MECOM: variants seen among roughly 807,000 people sequenced by gnomAD.
MECOM encodes histone-lysine N-methyltransferase MECOM.
MECOM carries 13 observed loss-of-function variants against 116.3 expected under a neutral mutation model. The observed-to-expected ratio is 0.11, with a 90% confidence interval of 0.07 to 0.18. The LOEUF is 0.18. MECOM is among the 10% of genes least tolerant of loss of function. The probability of loss-of-function intolerance (pLI) is 1.00; values close to 1 mark genes in which losing one functional copy is unlikely to be tolerated. For synonymous variants in MECOM, 528 were observed against 535.2 expected (o/e 0.99, Z 0.19); for missense variants, 1,299 against 1,509.0 (o/e 0.86, Z 2.31).
At chr3:169,649,275 C>T (rs1248488011) in intron 1 of MECOM, among the ~76,000 whole-genome samples, 1 of 151,812 alleles carries the variant, frequency 6.6e-6, no homozygotes, top group Non-Finnish European at 1.5e-5. Context: ...GCCTGGGCAC[C>T]ATGGTGAAAC....
chr3:169,631,743 A>G (rs116179248), intron 1 of MECOM, among the ~76,000 whole-genome samples: 3,201 of 151,892 alleles, frequency 0.021, 118 homozygotes, highest in African/African-American at 0.073. Flanking sequence ...TAGTTTACCG[A>G]GAATGATGAT....
At chr3:169,561,706 C>T (rs1181702553) in intron 1 of MECOM, among the ~76,000 whole-genome samples, 1 of 152,076 alleles carries the variant, frequency 6.6e-6, no homozygotes, top group Non-Finnish European at 1.5e-5. Context: ...AAACACACAC[C>T]ACACACAGGC....
At chr3:169,557,308 G>A (rs372392000) in intron 1 of MECOM, among the ~76,000 whole-genome samples, 20 of 152,136 alleles carry the variant, frequency 1.3e-4, no homozygotes, top group African/African-American at 4.8e-4. Context: ...GCTGAGTCCA[G>A]GGCCTCCTAT....
At chr3:169,436,982 GAAAAA>G (rs1742768329) in intron 1 of MECOM, among the ~76,000 whole-genome samples, 1 of 152,072 alleles carries the variant, frequency 6.6e-6, no homozygotes, top group Non-Finnish European at 1.5e-5. Flanking sequence ...GAATAAAAGA[GAAAAA>G]ATTATGAAGA....
chr3:169,281,270 A>G (rs1378557547), intron 2 of MECOM, among the ~76,000 whole-genome samples: 1 of 152,206 alleles, frequency 6.6e-6, no homozygotes, highest in Non-Finnish European at 1.5e-5. Flanking sequence ...GTACTAACGT[A>G]GAGGAAGTAT....
intron 1 of MECOM, among the ~76,000 whole-genome samples, chr3:169,485,941 G>A (rs374400174): frequency 0.13 from 4,453 of 35,462 alleles, 201 homozygotes; most frequent in South Asian, 0.16. Context: ...TAGTATATAT[G>A]TATGTATATA....
chr3:169,375,247 C>T (rs1332436341), intron 2 of MECOM, among the ~76,000 whole-genome samples: 1 of 151,966 alleles, frequency 6.6e-6, no homozygotes, highest in Non-Finnish European at 1.5e-5. Context: ...AACACCTTAA[C>T]ATCACAATTA....
intron 1 of MECOM, among the ~76,000 whole-genome samples, chr3:169,435,012 T>C (rs1216944274): frequency 1.3e-5 from 2 of 152,166 alleles, no homozygotes; most frequent in East Asian, 3.9e-4. Context: ...TTAACCAAGG[T>C]TAAAACAAAT....
chr3:169,213,893 C>T (rs1464241738), intron 2 of MECOM, among the ~76,000 whole-genome samples: 1 of 152,044 alleles, frequency 6.6e-6, no homozygotes, highest in Non-Finnish European at 1.5e-5. Flanking sequence ...GGCTGAAGGG[C>T]TATATATTAT....
At chr3:169,231,937 T>A (rs566770969) in intron 2 of MECOM, among the ~76,000 whole-genome samples, 1 of 152,324 alleles carries the variant, frequency 6.6e-6, no homozygotes, top group East Asian at 1.9e-4. Flanking sequence ...CCTTCTAAGC[T>A]GTTAGTCCTG....
At chr3:169,346,857 A>C (rs1725452024) in intron 2 of MECOM, among the ~76,000 whole-genome samples, 1 of 152,086 alleles carries the variant, frequency 6.6e-6, no homozygotes, top group South Asian at 2.1e-4. Context: ...AAATTGGCAG[A>C]ACCTGAAATA....
chr3:169,629,967 C>A (rs138319678), intron 1 of MECOM, among the ~76,000 whole-genome samples: 2 of 152,356 alleles, frequency 1.3e-5, no homozygotes, highest in East Asian at 3.9e-4. Context: ...CAACCCACCT[C>A]TCCCAGCCCT....
rs559208080 is a variant in MECOM, at chr3:169,100,808, A to G, written c.2849+77T>C. ...TAAACTTTAATTATTATAAACTTTA[A>G]TTATTATTTTATTATTAAAATAAAC... On this transcript the variant is annotated intron_variant, in intron 12 of 16. Transcript: ENST00000651503. The G allele has an allele frequency of 1.3e-4, 105 of 821,800 alleles. No homozygotes were observed. The Admixed American group carries it at 1.5e-3, about 12-fold the overall frequency. 50.9% of individuals were successfully genotyped at this position (821,800 alleles called of 1,614,324 possible).
chr3:169,272,240 G>A, intron 2 of MECOM, among the ~76,000 whole-genome samples: 1 of 152,300 alleles, frequency 6.6e-6, no homozygotes, highest in African/African-American at 2.4e-5. Context: ...TTAGTTCCCA[G>A]AGTAGGACCC....
chr3:169,239,841 C>T (rs1358431014), intron 2 of MECOM, among the ~76,000 whole-genome samples: 1 of 152,082 alleles, frequency 6.6e-6, no homozygotes. Context: ...GACAGAGTAC[C>T]TAATTCCATT....
At chr3:169,519,843 T>A (rs1224534635) in intron 1 of MECOM, among the ~76,000 whole-genome samples, 1 of 152,254 alleles carries the variant, frequency 6.6e-6, no homozygotes, top group African/African-American at 2.4e-5. Flanking sequence ...TTCCTTTAGA[T>A]AACCCCCCCT....
chr3:169,202,001 ACT>A (rs1404419188), intron 2 of MECOM, among the ~76,000 whole-genome samples: 1 of 151,836 alleles, frequency 6.6e-6, no homozygotes, highest in South Asian at 2.1e-4. Flanking sequence ...TTCCCTGTAG[ACT>A]CTGTTTCCAA....
intron 1 of MECOM, among the ~76,000 whole-genome samples, chr3:169,650,089 T>C (rs1382633030): frequency 6.6e-6 from 1 of 152,256 alleles, no homozygotes; most frequent in African/African-American, 2.4e-5. Flanking sequence ...GTTTATAACT[T>C]ATAATCAAAA....
chr3:169,381,765 G>T (rs1196139391), intron 1 of MECOM, among the ~76,000 whole-genome samples: 14 of 152,132 alleles, frequency 9.2e-5, no homozygotes, highest in South Asian at 8.3e-4. Flanking sequence ...GTCAATACTT[G>T]CATGGGCTAG....
Sources: gnomAD v4.1 joint callset for allele counts (sites outside exome capture counted in the v4.1 genomes callset) on GRCh38, gnomAD v4.1.1 for gene constraint, MANE v1.5 for transcripts, NCBI Gene and HGNC (gene_info 2026-07-23, HGNC 2026-07-21) for gene names.